SGK2: variants seen among roughly 807,000 people sequenced by gnomAD.
SGK2 encodes serine/threonine-protein kinase Sgk2.
Under a neutral mutation model 47.5 loss-of-function variants are expected in SGK2, and 36 were observed. The observed-to-expected ratio is 0.76, with a 90% CI of 0.58 to 1.00. The LOEUF is 1.00. Ranked by LOEUF, SGK2 falls within the 50% of genes least tolerant of loss-of-function variation. The pLI, the probability that SGK2 is intolerant of heterozygous loss-of-function variation, is 0.00. For synonymous variants in SGK2, 157 were observed against 181.9 expected (o/e 0.86, Z 1.10); for missense variants, 404 against 467.4 (o/e 0.86, Z 1.25).
At chr20:43,566,805 C>T (rs1159877948) in intron 2 of SGK2, among the ~76,000 whole-genome samples, 3 of 147,100 alleles carry the variant, frequency 2.0e-5, no homozygotes, top group African/African-American at 5.1e-5. Flanking sequence ...TCAGTTTCCT[C>T]GCCTATTCAA....
chr20:43,560,928 A>G (rs1979342788), intron 1 of SGK2, among the ~76,000 whole-genome samples: 1 of 152,216 alleles, frequency 6.6e-6, no homozygotes, highest in African/African-American at 2.4e-5. Flanking sequence ...GAAAATAAAA[A>G]CTAATAAATA....
chr20:43,569,326 C>T (rs1004694789), intron 5 of SGK2, 59 bp from the exon 6 acceptor site: 38 of 1,597,152 alleles, frequency 2.4e-5, no homozygotes, highest in African/African-American at 1.3e-4. Flanking sequence ...TGGGCTGAGC[C>T]GGGATAAAAG....
At chr20:43,579,635 A>G (rs1228896700) in intron 11 of SGK2, among the ~76,000 whole-genome samples, 1 of 152,148 alleles carries the variant, frequency 6.6e-6, no homozygotes, top group Admixed American at 6.5e-5. Context: ...AGGGGTCTCC[A>G]AGCTCCCACT....
chr20:43,583,491 AT>A, intron 12 of SGK2: 1 of 1,155,068 alleles, frequency 8.7e-7, no homozygotes, highest in Non-Finnish European at 1.1e-6. Flanking sequence ...TTGTAGCCTT[AT>A]TGAGAAGCTA....
chr20:43,571,848 C>G (rs553146990), intron 8 of SGK2, among the ~76,000 whole-genome samples: 10 of 152,310 alleles, frequency 6.6e-5, no homozygotes, highest in Non-Finnish European at 7.4e-5. Context: ...TGTGGGCAAA[C>G]AGTGGAATGC....
intron 12 of SGK2, among the ~76,000 whole-genome samples, chr20:43,582,014 T>G (rs1433165646): frequency 6.6e-6 from 1 of 152,250 alleles, no homozygotes; most frequent in Non-Finnish European, 1.5e-5. Flanking sequence ...TTAATTTATA[T>G]TTCTTTGTCT....
In SGK2 at chr20:43,585,082, G is replaced by A. The variant is rs559667795; in HGVS notation, c.*66G>A. The A allele has an allele frequency of 5.3e-4, 775 of 1,460,098 alleles. 1 individual carries two copies. Among genetic ancestry groups the A allele is most frequent in the Middle Eastern group, 2.8e-3 (15 of 5,384 alleles). The allele number at this position is 1,460,098 out of a possible 1,614,324, so 90.4% of individuals were successfully genotyped here. On this transcript the variant is annotated 3_prime_UTR_variant, in exon 13 of 13. Transcript: ENST00000373100. ...AGTAAGGAATTACCTTCAGCTGCTA[G>A]GAAGAGCGACTCAAACTAACAATGG...
At chr20:43,580,190 C>A (rs1033590505) in intron 12 of SGK2, 129 bp downstream of exon 12, 11 of 604,030 alleles carry the variant, frequency 1.8e-5, no homozygotes, top group Admixed American at 3.3e-5. Flanking sequence ...CTAGGCTACA[C>A]AGTCAGTTAG....
chr20:43,567,313 C>T (rs1979793773), intron 3 of SGK2, among the ~76,000 whole-genome samples, 196 bp downstream of exon 3: 1 of 152,206 alleles, frequency 6.6e-6, no homozygotes, highest in Non-Finnish European at 1.5e-5. Flanking sequence ...CCTGCAATGC[C>T]ACCTAAATGT....
chr20:43,576,386 G>A lies in SGK2; in HGVS notation c.849+7G>A. The A allele has an allele frequency of 6.2e-7, 1 of 1,613,144 alleles. No homozygotes were observed. The highest frequency in any genetic ancestry group is 8.5e-7 in the Non-Finnish European group (1 of 1,179,452). Reference sequence around the variant, plus strand: ...GGGCTCCAAAGCAGACTTTGTAGGTGACCTACCAGTGGAGCACTGGCCCCC... The same window carrying A: ...GGGCTCCAAAGCAGACTTTGTAGGTAACCTACCAGTGGAGCACTGGCCCCC... On this transcript the variant is annotated splice_region_variant and intron_variant, in intron 11 of 12. Transcript: ENST00000373100.
chr20:43,571,646 G>A (rs1315499469), intron 8 of SGK2, among the ~76,000 whole-genome samples: 3 of 152,172 alleles, frequency 2.0e-5, no homozygotes, highest in African/African-American at 4.8e-5. Context: ...GGGGGATGGG[G>A]ATAGGCATGG....
At position 43,574,899 on chromosome 20, in the gene SGK2, C is replaced by T; in HGVS notation, c.598-10C>T. The T allele has an allele frequency of 6.2e-7, 1 of 1,608,812 alleles. No individual in the cohort carries two copies. Among genetic ancestry groups the T allele is most frequent in the Non-Finnish European group, 8.5e-7 (1 of 1,175,510 alleles). On this transcript the variant is annotated splice_polypyrimidine_tract_variant and intron_variant, in intron 9 of 12. Transcript: ENST00000373100. ...GACTTATTTCAAATAAGTGTGTTTC[C>T]TTCTAACAGTACTTGGCACCTGAAG... is the stretch of plus-strand genomic sequence containing the variant.
At chr20:43,564,012 T>C (rs1979533899) in intron 1 of SGK2, among the ~76,000 whole-genome samples, 2 of 152,170 alleles carry the variant, frequency 1.3e-5, no homozygotes, top group African/African-American at 2.4e-5. Flanking sequence ...CCCTGTAGTA[T>C]ACTGTAGCCA....
chr20:43,580,727 C>CA (rs764803627), intron 12 of SGK2, among the ~76,000 whole-genome samples: 1,326 of 68,636 alleles, frequency 0.019, 41 homozygotes, highest in African/African-American at 0.065. Flanking sequence ...GACTTCATCT[C>CA]AAAAAAAAAA....
At chr20:43,583,248 A>G in intron 12 of SGK2, 1 of 1,289,818 alleles carries the variant, frequency 7.8e-7, no homozygotes, top group Non-Finnish European at 1.0e-6. Flanking sequence ...CAGTGAAGAT[A>G]ATGTCGAACT....
chr20:43,584,853 C>A lies in SGK2; in HGVS notation c.941C>A (p.Thr314Lys), dbSNP rs1040192580. The A allele has an allele frequency of 6.2e-7, 1 of 1,613,388 alleles. No individual in the cohort carries two copies. Among genetic ancestry groups the A allele is most frequent in the Admixed American group, 1.7e-5 (1 of 59,924 alleles). ...CTCATCATTGGCTTTTATTGACAGA[C>A]AGGACCTGCTGACTTGAAGCATTTT... ...RLTPPFNPNVTGPADLKHFDP... is the reference protein window; with the variant it reads ...RLTPPFNPNVKGPADLKHFDP... The change falls in exon 13 of 13, where the codon ACA becomes AAA. Residue 314 changes from threonine to lysine, a missense_variant and splice_region_variant. Transcript: ENST00000373100.
intron 1 of SGK2, chr20:43,565,004 C>T (rs983800602): frequency 1.3e-5 from 2 of 152,562 alleles, no homozygotes; most frequent in African/African-American, 4.8e-5. Flanking sequence ...CAGGGCTGCC[C>T]TGGGGCTATT....
In SGK2 at chr20:43,566,039, ATG is replaced by A. The variant is rs561295725; in HGVS notation, c.-23-431_-23-430del. 117 of 339,352 alleles carry A rather than the reference ATG, an allele frequency of 3.4e-4. 2 individuals are homozygous for A. The Middle Eastern group carries it at 0.01, about 30-fold the overall frequency. 21.0% of individuals were successfully genotyped at this position (339,352 alleles called of 1,614,324 possible). ...AGCCCAGCCTGTGCTTCACAAGGCT[ATG>A]TGGCCCTAGGAAGGTCCTTTTTTAG... On this transcript the variant is annotated intron_variant, in intron 1 of 12. Coordinates refer to ENST00000373100, the MANE Select transcript of SGK2 (RefSeq NM_170693.3).
chr20:43,571,099 G>A (rs866080153), intron 8 of SGK2, 39 bp downstream of exon 8: 409 of 1,230,508 alleles, frequency 3.3e-4, no homozygotes, highest in Non-Finnish European at 4.3e-4. Context: ...GTGTGTGTGT[G>A]TGTATGTGGT....
Sources: gnomAD v4.1 joint callset for allele counts (sites outside exome capture counted in the v4.1 genomes callset) on GRCh38, gnomAD v4.1.1 for gene constraint, MANE v1.5 for transcripts, NCBI Gene and HGNC (gene_info 2026-07-23, HGNC 2026-07-21) for gene names.